Variants in MIPOL1 observed in about 807,000 individuals in gnomAD.
MIPOL1 encodes mirror-image polydactyly gene 1 protein.
A neutral mutation model predicts 60.9 loss-of-function variants in MIPOL1; 57 were observed. That is an observed-to-expected ratio of 0.94 (90% CI 0.76 to 1.17). MIPOL1 has a LOEUF of 1.17. Ranked by LOEUF, MIPOL1 falls within the 50% of genes most tolerant of loss-of-function variation. MIPOL1 has a pLI of 0.00. For synonymous variants in MIPOL1, 179 were observed against 168.8 expected, an observed-to-expected ratio of 1.06 and a Z score of -0.47; for missense variants, 551 against 511.6, an observed-to-expected ratio of 1.08 and a Z score of -0.74.
At chr14:37,540,850 T>C (rs1203567611) in intron 12 of MIPOL1, among the ~76,000 whole-genome samples, 6 of 152,330 alleles carry the variant, frequency 3.9e-5, no homozygotes, top group South Asian at 4.1e-4. Flanking sequence ...TCCCTTTTAG[T>C]ACTTTCATAC....
In MIPOL1 at chr14:37,345,159, A is replaced by G. The variant is rs554721194; in HGVS notation, c.829-24358A>G. Among the ~76,000 whole-genome samples the G allele has an allele frequency of 9.9e-5, 15 of 152,234 alleles. No individual in the cohort carries two copies. In the South Asian group the frequency reaches 3.1e-3, roughly 32 times the overall value. The stretch of plus-strand genomic sequence containing the variant: ...GTCACCAAGGCTGGAGTACAGTCAT[A>G]CAGACTGGAGTGCAGCTCACTGCAG... On this transcript the variant is annotated intron_variant, in intron 9 of 12. Coordinates refer to ENST00000684589, the MANE Select transcript of MIPOL1 (RefSeq NM_001388067.1).
At chr14:37,217,940 T>G (rs1185140872) in intron 1 of MIPOL1, among the ~76,000 whole-genome samples, 1 of 152,212 alleles carries the variant, frequency 6.6e-6, no homozygotes, top group Non-Finnish European at 1.5e-5. Flanking sequence ...GATTTACTTT[T>G]AAGCATTGAT....
chr14:37,375,472 G>A (rs1376525272), intron 10 of MIPOL1, among the ~76,000 whole-genome samples: 2 of 151,980 alleles, frequency 1.3e-5, no homozygotes, highest in East Asian at 3.9e-4. Flanking sequence ...GACATGAGCT[G>A]CCATGCCCAG....
chr14:37,221,835 T>C (rs1351841470), intron 1 of MIPOL1, among the ~76,000 whole-genome samples: 1 of 152,178 alleles, frequency 6.6e-6, no homozygotes, highest in Non-Finnish European at 1.5e-5. Flanking sequence ...TGAATTTGAA[T>C]ATGAGTTTTG....
At chr14:37,405,970 G>T (rs2093580275) in intron 10 of MIPOL1, among the ~76,000 whole-genome samples, 1 of 146,552 alleles carries the variant, frequency 6.8e-6, no homozygotes. Flanking sequence ...TTTCTTTATA[G>T]CCTATGCACC....
chr14:37,473,083 G>A (rs547608001), intron 11 of MIPOL1, among the ~76,000 whole-genome samples: 2 of 152,288 alleles, frequency 1.3e-5, no homozygotes, highest in South Asian at 4.1e-4. Context: ...AGTGGGAGGT[G>A]TTGGGGTTAT....
At position 37,386,297 on chromosome 14, in the gene MIPOL1, ATTC is replaced by A. The variant is rs372805379; in HGVS notation, c.936+16676_936+16678del. Among the ~76,000 whole-genome samples the A allele has an allele frequency of 2.5e-3, 381 of 152,022 alleles. 1 individual carries two copies. The highest frequency in any genetic ancestry group is 9.0e-3 in the African/African-American group (373 of 41,542). On this transcript the variant is annotated intron_variant, in intron 10 of 12. Coordinates refer to ENST00000684589, the MANE Select transcript of MIPOL1 (RefSeq NM_001388067.1). ...CAGTATTTATTTTCAAACCTCTTTAATTCTTTAGTACAGTAGACATAGCAAGAT... is the reference window on the plus strand; with the variant it reads ...CAGTATTTATTTTCAAACCTCTTTAATTTAGTACAGTAGACATAGCAAGAT...
At chr14:37,364,071 C>T (rs1249992641) in intron 9 of MIPOL1, among the ~76,000 whole-genome samples, 1 of 152,200 alleles carries the variant, frequency 6.6e-6, no homozygotes, top group East Asian at 1.9e-4. Context: ...AGGGAAATCC[C>T]CCTGACCCCT....
chr14:37,375,761 T>TTTTC (rs751390030), intron 10 of MIPOL1, among the ~76,000 whole-genome samples: 1 of 151,922 alleles, frequency 6.6e-6, no homozygotes, highest in East Asian at 1.9e-4. Flanking sequence ...CTTCTCTTTC[T>TTTTC]TTTCTTTCTT....
intron 7 of MIPOL1, among the ~76,000 whole-genome samples, chr14:37,296,946 C>T (rs1264580809): frequency 6.6e-6 from 1 of 152,168 alleles, no homozygotes; most frequent in East Asian, 1.9e-4. Context: ...TCCTCCCTAA[C>T]TCGTTTTATG....
At chr14:37,294,794 T>C (rs1466278466) in intron 7 of MIPOL1, among the ~76,000 whole-genome samples, 1 of 150,726 alleles carries the variant, frequency 6.6e-6, no homozygotes, top group Non-Finnish European at 1.5e-5. Context: ...CCGAGAAATA[T>C]GGGACTATGT....
intron 11 of MIPOL1, among the ~76,000 whole-genome samples, chr14:37,494,649 G>A (rs534920641): frequency 6.6e-6 from 1 of 152,098 alleles, no homozygotes; most frequent in African/African-American, 2.4e-5. Flanking sequence ...TCTGCTACAT[G>A]TATTAAATTA....
intron 9 of MIPOL1, among the ~76,000 whole-genome samples, chr14:37,337,469 A>G (rs1037258681): frequency 7.3e-6 from 1 of 136,610 alleles, no homozygotes; most frequent in Non-Finnish European, 1.5e-5. Context: ...CCCAGGTTCT[A>G]GTGGTTCTCC....
chr14:37,353,119 T>C (rs1386830003), intron 9 of MIPOL1, among the ~76,000 whole-genome samples: 33 of 136,086 alleles, frequency 2.4e-4, no homozygotes, highest in African/African-American at 5.9e-4. Flanking sequence ...GCATGAAGGG[T>C]TGTTGAATTT....
intron 11 of MIPOL1, among the ~76,000 whole-genome samples, chr14:37,443,687 A>G (rs2094287545): frequency 6.6e-6 from 1 of 151,500 alleles, no homozygotes; most frequent in Admixed American, 6.6e-5. Flanking sequence ...TTAGTATGAA[A>G]ACTAGATGAG....
At chr14:37,264,139 C>A (rs543711206) in intron 3 of MIPOL1, among the ~76,000 whole-genome samples, 3 of 152,180 alleles carry the variant, frequency 2.0e-5, no homozygotes, top group Admixed American at 6.6e-5. Context: ...TAACTGAAGT[C>A]TGAACTTAGA....
intron 7 of MIPOL1, among the ~76,000 whole-genome samples, chr14:37,296,085 A>G (rs1465188991): frequency 6.6e-6 from 1 of 152,222 alleles, no homozygotes; most frequent in Non-Finnish European, 1.5e-5. Context: ...GTAAAAGAAC[A>G]GAAATTATAA....
intron 9 of MIPOL1, among the ~76,000 whole-genome samples, chr14:37,324,589 C>T (rs1311482828): frequency 1.3e-5 from 2 of 151,960 alleles, no homozygotes; most frequent in Non-Finnish European, 2.9e-5. Flanking sequence ...TCTAATTTAT[C>T]AGTATTTTAG....
At chr14:37,541,051 T>A (rs2095527731) in intron 12 of MIPOL1, among the ~76,000 whole-genome samples, 1 of 152,206 alleles carries the variant, frequency 6.6e-6, no homozygotes, top group African/African-American at 2.4e-5. Context: ...AACTTCAATA[T>A]CTATGTCAAT....
Sources: gnomAD v4.1 joint callset for allele counts (sites outside exome capture counted in the v4.1 genomes callset) on GRCh38, gnomAD v4.1.1 for gene constraint, MANE v1.5 for transcripts, NCBI Gene and HGNC (gene_info 2026-07-23, HGNC 2026-07-21) for gene names.